RPS6KA2: variants seen among roughly 807,000 people sequenced by gnomAD.
The protein encoded by RPS6KA2 is ribosomal protein S6 kinase alpha-2.
In RPS6KA2, 42 loss-of-function variants were observed where a neutral mutation model predicts 91.8. The observed-to-expected ratio is 0.46, with a 90% CI of 0.36 to 0.59. RPS6KA2 has a LOEUF of 0.59. Ranked by LOEUF, RPS6KA2 falls within the 20% of genes least tolerant of loss-of-function variation. The pLI is 0.00. For missense variants in RPS6KA2, 798 were observed against 978.5 expected, an observed-to-expected ratio of 0.82 and a Z score of 2.46; for synonymous variants, 414 against 393.6, an observed-to-expected ratio of 1.05 and a Z score of -0.61.
At chr6:166,514,545 G>A (rs547143610) in intron 3 of RPS6KA2, among the ~76,000 whole-genome samples, 2 of 152,332 alleles carry the variant, frequency 1.3e-5, no homozygotes, top group South Asian at 4.1e-4. Flanking sequence ...CCAGTGGGCT[G>A]GCGCACAGAG....
chr6:166,455,135 A>G (rs1243122317), intron 12 of RPS6KA2, among the ~76,000 whole-genome samples: 2 of 152,178 alleles, frequency 1.3e-5, no homozygotes, highest in African/African-American at 4.8e-5. Context: ...TCGTCTGTTT[A>G]GGTGCTGTAC....
intron 2 of RPS6KA2, among the ~76,000 whole-genome samples, chr6:166,681,791 C>T: frequency 6.7e-6 from 1 of 149,860 alleles, no homozygotes; most frequent in Middle Eastern, 3.2e-3. Flanking sequence ...TGGCCCAGGG[C>T]TGGGGCCTGA....
intron 2 of RPS6KA2, among the ~76,000 whole-genome samples, chr6:166,776,966 G>A (rs1457919065): frequency 2.0e-5 from 3 of 152,116 alleles, no homozygotes; most frequent in East Asian, 1.9e-4. Context: ...GTGCTTCTCC[G>A]CCATTTGTAG....
intron 11 of RPS6KA2, among the ~76,000 whole-genome samples, chr6:166,468,003 G>A (rs1442219235): frequency 6.6e-6 from 1 of 152,270 alleles, no homozygotes; most frequent in Non-Finnish European, 1.5e-5. Flanking sequence ...CCCCTGAGGG[G>A]CAGGCATCTG....
chr6:166,456,462 T>C (rs901361087), intron 12 of RPS6KA2, among the ~76,000 whole-genome samples: 4 of 152,244 alleles, frequency 2.6e-5, no homozygotes, highest in Admixed American at 2.6e-4. Context: ...TCCTGATTTG[T>C]GGAGTCTGCC....
chr6:166,627,272 A>C, upstream of RPS6KA2: 1 of 995,128 alleles, frequency 1.0e-6, no homozygotes, highest in Non-Finnish European at 1.2e-6. Context: ...GCCACGCGCC[A>C]CGCCTACACC....
rs537594302 is a variant in RPS6KA2 at position 166,594,501 on chromosome 6, C to G, written c.99+32420G>C. The stretch of plus-strand genomic sequence containing the variant: ...TTTTTGAGACGGAGTCTCGCTCTGT[C>G]GCCCAGGCTGGAGTGCAGTGGCGCA... On this transcript the variant is annotated intron_variant, in intron 1 of 20. Coordinates refer to ENST00000265678, the MANE Select transcript of RPS6KA2 (RefSeq NM_021135.6). Among the ~76,000 whole-genome samples the G allele has an allele frequency of 5.9e-5, 9 of 152,164 alleles. No homozygotes were observed. In the East Asian group the frequency reaches 1.7e-3, roughly 29 times the overall value.
intron 2 of RPS6KA2, among the ~76,000 whole-genome samples, chr6:166,806,866 T>G (rs990055380): frequency 1.3e-5 from 2 of 152,162 alleles, no homozygotes; most frequent in Non-Finnish European, 2.9e-5. Context: ...GTTCAACAAC[T>G]GAAAGAGGTG....
intron 2 of RPS6KA2, among the ~76,000 whole-genome samples, chr6:166,743,494 A>T (rs1422225166): frequency 3.9e-5 from 6 of 152,218 alleles, no homozygotes; most frequent in African/African-American, 1.2e-4. Context: ...CAGGTGCTTG[A>T]GGCCACACAC....
At chr6:166,622,872 TG>T (rs1243947370) in intron 1 of RPS6KA2, among the ~76,000 whole-genome samples, 2 of 152,252 alleles carry the variant, frequency 1.3e-5, no homozygotes, top group Non-Finnish European at 2.9e-5. Context: ...TCTTTTGACT[TG>T]TTTGCCTCTA....
chr6:166,713,733 G>A (rs1789934062), intron 2 of RPS6KA2, among the ~76,000 whole-genome samples: 1 of 152,176 alleles, frequency 6.6e-6, no homozygotes, highest in Non-Finnish European at 1.5e-5. Context: ...ACACAAAACT[G>A]CGCTTTGTGA....
chr6:166,658,806 A>G (rs1788074353), intron 2 of RPS6KA2, among the ~76,000 whole-genome samples: 1 of 152,142 alleles, frequency 6.6e-6, no homozygotes, highest in Non-Finnish European at 1.5e-5. Context: ...TAAGGCCCTA[A>G]ACCCTCCGTG....
chr6:166,641,837 G>A (rs1326160939), intron 2 of RPS6KA2, among the ~76,000 whole-genome samples: 2 of 146,828 alleles, frequency 1.4e-5, no homozygotes, highest in Non-Finnish European at 3.0e-5. Context: ...TGGATCTGAT[G>A]ATAATTGAGA....
intron 2 of RPS6KA2, among the ~76,000 whole-genome samples, chr6:166,646,014 C>G (rs1246966237): frequency 6.6e-6 from 1 of 152,198 alleles, no homozygotes; most frequent in Non-Finnish European, 1.5e-5. Context: ...AGGGCCAGTC[C>G]TCTGTGCAAT....
chr6:166,434,949 TCCTGTGAGGAGG>T lies in RPS6KA2; in HGVS notation c.1333-2471_1333-2460del, dbSNP rs1222637770. ...GAGGAAACATTTAATTGCCTTGCCTTCCTGTGAGGAGGGGAACAGGGTGCCTGGGGGCCCATG... is the reference window on the plus strand; with the variant it reads ...GAGGAAACATTTAATTGCCTTGCCTTGGAACAGGGTGCCTGGGGGCCCATG... On this transcript the variant is annotated intron_variant, in intron 14 of 20. Transcript: ENST00000265678. The surrounding 1 kb of genome is among the most constrained non-coding windows in gnomAD (Gnocchi z 4.4). 6.6e-6 allele frequency among the ~76,000 whole-genome samples: 1 copy of T among 152,284 alleles called. No individual in the cohort carries two copies. The highest frequency in any genetic ancestry group is 1.9e-4 in the East Asian group (1 of 5,188).
At chr6:166,631,635 T>C (rs899734767), upstream of RPS6KA2, among the ~76,000 whole-genome samples, 1 of 152,166 alleles carries the variant, frequency 6.6e-6, no homozygotes, top group African/African-American at 2.4e-5. Context: ...GTAACACAGA[T>C]TTTTTTTCGT....
rs1783350551 is a variant in RPS6KA2, at chr6:166,533,147, T to C, written c.217-1834A>G. Among the ~76,000 whole-genome samples, 1 of 152,202 alleles carries C rather than the reference T, an allele frequency of 6.6e-6. No individual in the cohort carries two copies. The highest frequency in any genetic ancestry group is 6.5e-5 in the Admixed American group (1 of 15,276). The stretch of plus-strand genomic sequence containing the variant: ...AGGATTTTTACAGAGAGAAAAACAT[T>C]AGTGCTTAACTCTTGAGATCTTCTG... On this transcript the variant is annotated intron_variant, in intron 2 of 20. Coordinates refer to ENST00000265678, the MANE Select transcript of RPS6KA2 (RefSeq NM_021135.6). This position sits in a 1 kb window ranked among gnomAD's most constrained non-coding sequence, Gnocchi z 4.0.
In RPS6KA2 at chr6:166,419,347, A is replaced by G. The variant is rs1469575689; in HGVS notation, c.1820+535T>C. Among the ~76,000 whole-genome samples the G allele has an allele frequency of 6.6e-6, 1 of 152,210 alleles. No homozygotes were observed. The highest frequency in any genetic ancestry group is 1.5e-5 in the Non-Finnish European group (1 of 68,036). ...GAGGGAAGGGAGGCTGGTACAGGTT[A>G]AAGTGTTTAGCCCAGAGTCACGGCT... On this transcript the variant is annotated intron_variant, in intron 18 of 20. Coordinates refer to ENST00000265678, the MANE Select transcript of RPS6KA2 (RefSeq NM_021135.6). The surrounding 1 kb of genome is among the most constrained non-coding windows in gnomAD (Gnocchi z 5.6).
intron 14 of RPS6KA2, chr6:166,439,926 G>T (rs1410126061): frequency 6.6e-6 from 1 of 152,206 alleles, no homozygotes; most frequent in African/African-American, 2.4e-5. Flanking sequence ...GCTATGTATT[G>T]TAGATAAAGG....
Sources: allele counts gnomAD v4.1 joint callset (sites outside exome capture counted in the v4.1 genomes callset), GRCh38; gene constraint gnomAD v4.1.1; non-coding constraint Gnocchi (gnomAD v3.1); transcripts MANE v1.5; gene names NCBI Gene and HGNC (gene_info 2026-07-23, HGNC 2026-07-21).